Variants in NEO1 observed in about 807,000 individuals in gnomAD.
NEO1 encodes neogenin.
NEO1 carries 63 observed loss-of-function variants against 159.7 expected under a neutral mutation model. That is an observed-to-expected ratio of 0.39 (90% confidence interval 0.32 to 0.49). The LOEUF (loss-of-function observed/expected upper bound fraction) is 0.49, where lower values mean the gene tolerates loss of function less well. Ranked by LOEUF, NEO1 falls within the 20% of genes least tolerant of loss-of-function variation. The pLI is 0.85. For missense variants in NEO1, 1,615 were observed against 1,831.0 expected (o/e 0.88, Z 2.15); for synonymous variants, 633 against 662.0 (o/e 0.96, Z 0.67).
At chr15:73,153,020 G>A (rs557541340) in intron 5 of NEO1, among the ~76,000 whole-genome samples, 2 of 152,306 alleles carry the variant, frequency 1.3e-5, no homozygotes, top group South Asian at 4.1e-4. Flanking sequence ...GAGAAAGCCA[G>A]CAGTATAGTT....
chr15:73,183,892 G>T (rs1436104931), intron 7 of NEO1, among the ~76,000 whole-genome samples: 1 of 152,132 alleles, frequency 6.6e-6, no homozygotes, highest in African/African-American at 2.4e-5. Flanking sequence ...TTCCTGACTA[G>T]ATTAACTAAA....
chr15:73,279,563 AG>A (rs745407031), intron 22 of NEO1, among the ~76,000 whole-genome samples: 8 of 151,846 alleles, frequency 5.3e-5, no homozygotes, highest in Non-Finnish European at 2.9e-5. Context: ...TGGCCAGACT[AG>A]TCTTGATCTC....
At chr15:73,109,729 C>T (rs1212901438) in intron 1 of NEO1, among the ~76,000 whole-genome samples, 1 of 152,114 alleles carries the variant, frequency 6.6e-6, no homozygotes, top group Non-Finnish European at 1.5e-5. Flanking sequence ...TAGACATTGA[C>T]ATCCAGTGTT....
In NEO1 at chr15:73,133,689, A is replaced by G. The variant is rs192107027; in HGVS notation, c.879-2202A>G. On this transcript the variant is annotated intron_variant, in intron 4 of 28. Coordinates refer to ENST00000261908, the MANE Select transcript of NEO1 (RefSeq NM_002499.4). ...GAATTTACTTGAGTCCATTGGCTGT[A>G]TATATTTTTTCACATTGTTTTTTTT... 1.5e-3 allele frequency among the ~76,000 whole-genome samples: 224 copies of G among 152,222 alleles called. 2 individuals are homozygous for G. Among genetic ancestry groups the G allele is most frequent in the Admixed American group, 5.0e-3 (76 of 15,280 alleles).
intron 3 of NEO1, among the ~76,000 whole-genome samples, chr15:73,125,467 C>T (rs2151677647): frequency 6.6e-6 from 1 of 152,312 alleles, no homozygotes; most frequent in African/African-American, 2.4e-5. Context: ...GCAATGTTTC[C>T]TTGTTACCAT....
chr15:73,244,528 C>T, intron 9 of NEO1, 30 bp downstream of exon 9: 3 of 1,608,080 alleles, frequency 1.9e-6, no homozygotes, highest in Non-Finnish European at 1.7e-6. Flanking sequence ...GTCAGCACCC[C>T]CTAGAGGTAG....
At chr15:73,232,389 C>T (rs1388058504) in intron 7 of NEO1, among the ~76,000 whole-genome samples, 1 of 152,200 alleles carries the variant, frequency 6.6e-6, no homozygotes, top group African/African-American at 2.4e-5. Flanking sequence ...AAAGATTAGT[C>T]AGCAGTTATG....
chr15:73,217,170 T>G (rs9672639), intron 7 of NEO1, among the ~76,000 whole-genome samples: 1 of 147,674 alleles, frequency 6.8e-6, no homozygotes, highest in Non-Finnish European at 1.5e-5. Context: ...TTCCCAGCAC[T>G]ATTTATTAAA....
rs546941644 is a variant in NEO1, at chr15:73,249,756, C to T, written c.1894+35C>T. On this transcript the variant is annotated intron_variant, in intron 11 of 28. Coordinates refer to ENST00000261908, the MANE Select transcript of NEO1 (RefSeq NM_002499.4). The stretch of plus-strand genomic sequence containing the variant: ...TCTTCCTCTGGAACGATATACCACA[C>T]TTGGTGCCCCTAGTGGTTTAGTTGT... The T allele has an allele frequency of 1.3e-5, 20 of 1,582,848 alleles. No homozygotes were observed. In the South Asian group the frequency reaches 2.3e-4, roughly 18 times the overall value.
intron 7 of NEO1, among the ~76,000 whole-genome samples, chr15:73,205,991 C>G (rs2037199632): frequency 6.6e-6 from 1 of 151,940 alleles, no homozygotes. Flanking sequence ...CACTGCAACC[C>G]CTGCCTCCCA....
At chr15:73,161,690 A>C (rs1033763806) in intron 5 of NEO1, 1 of 167,128 alleles carries the variant, frequency 6.0e-6, no homozygotes, top group Admixed American at 6.5e-5. Context: ...CTCACTCTAC[A>C]TTATAAAAAG....
chr15:73,231,077 A>G (rs1008195670), intron 7 of NEO1, among the ~76,000 whole-genome samples: 1 of 152,142 alleles, frequency 6.6e-6, no homozygotes, highest in Non-Finnish European at 1.5e-5. Flanking sequence ...ATTATATTCA[A>G]AGAAGAAATA....
chr15:73,246,803 C>T (rs1165828414), intron 9 of NEO1, among the ~76,000 whole-genome samples: 1 of 152,198 alleles, frequency 6.6e-6, no homozygotes, highest in African/African-American at 2.4e-5. Context: ...TTTTCATTGT[C>T]ATTTCAGAGC....
intron 5 of NEO1, among the ~76,000 whole-genome samples, chr15:73,159,026 G>A (rs2033983657): frequency 6.6e-6 from 1 of 152,202 alleles, no homozygotes; most frequent in South Asian, 2.1e-4. Flanking sequence ...TATTCAGGAA[G>A]CTGAGGCAGA....
intron 2 of NEO1, 42 bp downstream of exon 2, chr15:73,116,899 TATAAC>T: frequency 2.8e-6 from 4 of 1,420,208 alleles, no homozygotes; most frequent in Non-Finnish European, 2.9e-6. Flanking sequence ...TTCAAATATT[TATAAC>T]ATACATCTTG....
chr15:73,199,629 T>A (rs2036745235), intron 7 of NEO1, among the ~76,000 whole-genome samples: 1 of 152,226 alleles, frequency 6.6e-6, no homozygotes, highest in Admixed American at 6.5e-5. Flanking sequence ...ATTAGGATAA[T>A]GTTGGCTTTC....
intron 23 of NEO1, among the ~76,000 whole-genome samples, chr15:73,287,830 A>C (rs987968148): frequency 6.6e-6 from 1 of 151,832 alleles, no homozygotes; most frequent in Non-Finnish European, 1.5e-5. Context: ...CAATGAGCCG[A>C]TATCTCGCCA....
At chr15:73,249,832 C>T in intron 11 of NEO1, 111 bp downstream of exon 11, 1 of 1,261,650 alleles carries the variant, frequency 7.9e-7, no homozygotes, top group Non-Finnish European at 1.1e-6. Context: ...CCCAATTTTA[C>T]CTCTTTCTGG....
chr15:73,069,413 A>AC (rs2068424213), intron 1 of NEO1, among the ~76,000 whole-genome samples: 1 of 150,888 alleles, frequency 6.6e-6, no homozygotes, highest in African/African-American at 2.4e-5. Context: ...AGGCCAAGAG[A>AC]CTTTTTTTTT....
Sources: gnomAD v4.1 joint callset for allele counts (sites outside exome capture counted in the v4.1 genomes callset) on GRCh38, gnomAD v4.1.1 for gene constraint, MANE v1.5 for transcripts, NCBI Gene and HGNC (gene_info 2026-07-23, HGNC 2026-07-21) for gene names.